The following CCDC91 variants were observed in gnomAD, a reference collection of about 807,000 sequenced individuals.
The protein encoded by CCDC91 is coiled-coil domain-containing protein 91.
A neutral mutation model predicts 63.2 loss-of-function variants in CCDC91; 48 were observed. The ratio of observed to expected loss-of-function variants is 0.76; its 90% CI spans 0.60 to 0.97. The LOEUF (loss-of-function observed/expected upper bound fraction) is 0.97, where lower values mean the gene tolerates loss of function less well. Ranked by LOEUF, CCDC91 falls within the 50% of genes least tolerant of loss-of-function variation. The pLI, the probability that CCDC91 is intolerant of heterozygous loss-of-function variation, is 0.00. For missense variants in CCDC91, 500 were observed against 494.6 expected (o/e 1.01, Z -0.10); for synonymous variants, 167 against 165.8 (o/e 1.01, Z -0.06).
At chr12:28,366,629 C>T (rs780535975) in intron 7 of CCDC91, among the ~76,000 whole-genome samples, 4 of 152,102 alleles carry the variant, frequency 2.6e-5, no homozygotes, top group African/African-American at 7.2e-5. Context: ...CTACGAGTGT[C>T]GGGATAGGCC....
chr12:28,325,851 T>C (rs1161900321), intron 6 of CCDC91, among the ~76,000 whole-genome samples: 2 of 152,066 alleles, frequency 1.3e-5, no homozygotes, highest in Non-Finnish European at 1.5e-5. Flanking sequence ...TAGGAAATAT[T>C]ATTCTATTTT....
At chr12:28,279,491 A>G (rs1948458746) in intron 3 of CCDC91, among the ~76,000 whole-genome samples, 1 of 152,066 alleles carries the variant, frequency 6.6e-6, no homozygotes, top group South Asian at 2.1e-4. Context: ...CAAATATTCC[A>G]CTGAACTAAA....
intron 6 of CCDC91, among the ~76,000 whole-genome samples, chr12:28,312,655 G>C (rs2137206265): frequency 6.6e-6 from 1 of 152,190 alleles, no homozygotes; most frequent in East Asian, 1.9e-4. Context: ...TGGTTTGGCT[G>C]TGTCCCCACT....
chr12:28,465,595 A>T (rs892549319), intron 11 of CCDC91, among the ~76,000 whole-genome samples: 2 of 152,326 alleles, frequency 1.3e-5, no homozygotes. Flanking sequence ...CTATGAGTCT[A>T]CAAGAACCAC....
intron 8 of CCDC91, among the ~76,000 whole-genome samples, chr12:28,437,118 AAAT>A (rs1469057518): frequency 6.6e-6 from 1 of 151,630 alleles, no homozygotes; most frequent in African/African-American, 2.4e-5. Flanking sequence ...TTAATTAAAA[AAAT>A]AAAATTCCAT....
intron 3 of CCDC91, among the ~76,000 whole-genome samples, chr12:28,299,152 T>A (rs1469114252): frequency 1.3e-5 from 2 of 151,640 alleles, no homozygotes; most frequent in Non-Finnish European, 3.0e-5. Flanking sequence ...AGATGTGTTG[T>A]TTCTTTTTTA....
chr12:28,446,080 A>G (rs1262633491), intron 8 of CCDC91, among the ~76,000 whole-genome samples: 1 of 152,188 alleles, frequency 6.6e-6, no homozygotes, highest in Non-Finnish European at 1.5e-5. Context: ...AAACAAGGAG[A>G]TTAAACCAAA....
chr12:28,345,483 G>A (rs2138101891), intron 6 of CCDC91, among the ~76,000 whole-genome samples: 1 of 151,994 alleles, frequency 6.6e-6, no homozygotes, highest in South Asian at 2.1e-4. Flanking sequence ...ATTAAATATG[G>A]AAACTGAGAC....
At chr12:28,253,054 T>C (rs1482657547) in intron 1 of CCDC91, among the ~76,000 whole-genome samples, 3 of 152,222 alleles carry the variant, frequency 2.0e-5, no homozygotes, top group African/African-American at 7.2e-5. Flanking sequence ...ATCTTAACTC[T>C]ATAGTCCCTT....
At chr12:28,462,573 GTC>G (rs1950358826) in intron 11 of CCDC91, among the ~76,000 whole-genome samples, 1 of 151,972 alleles carries the variant, frequency 6.6e-6, no homozygotes, top group Non-Finnish European at 1.5e-5. Flanking sequence ...GTAATATGTA[GTC>G]TCTACTGTTA....
At chr12:28,302,449 T>A (rs1051138587) in intron 3 of CCDC91, among the ~76,000 whole-genome samples, 2 of 152,108 alleles carry the variant, frequency 1.3e-5, no homozygotes, top group African/African-American at 4.8e-5. Context: ...TACCTATTAT[T>A]TCCCCATTTT....
intron 7 of CCDC91, 53 bp downstream of exon 7, chr12:28,362,568 A>T (rs1260572814): frequency 1.8e-6 from 2 of 1,115,770 alleles, no homozygotes; most frequent in East Asian, 5.0e-5. Flanking sequence ...TTTAGTAAAA[A>T]ATGTACACAT....
chr12:28,209,659 G>A (rs1244615454), intron 1 of CCDC91, among the ~76,000 whole-genome samples: 2 of 152,132 alleles, frequency 1.3e-5, no homozygotes, highest in African/African-American at 4.8e-5. Flanking sequence ...TTGATCTCCT[G>A]ACCTCAAGTG....
At chr12:28,542,713 C>T (rs1179207994) in intron 12 of CCDC91, among the ~76,000 whole-genome samples, 1 of 152,038 alleles carries the variant, frequency 6.6e-6, no homozygotes, top group Non-Finnish European at 1.5e-5. Flanking sequence ...GAGTCTCTTT[C>T]AGTGATTCTG....
In CCDC91 at chr12:28,213,363, T is replaced by C. The variant is rs189890059; in HGVS notation, c.-15+22722T>C. Among the ~76,000 whole-genome samples, 687 of 152,314 alleles carry C rather than the reference T, an allele frequency of 4.5e-3. 2 individuals carry two copies. The highest frequency in any genetic ancestry group is 7.5e-3 in the Non-Finnish European group (508 of 68,016). ...ACCCATGAAGACATGTACTACACTC[T>C]GAAATAAATGCTTAAGTTTTCTATT... On this transcript the variant is annotated intron_variant, in intron 1 of 12. Coordinates refer to ENST00000536442, the MANE Select transcript of CCDC91 (RefSeq NM_018318.5).
intron 12 of CCDC91, among the ~76,000 whole-genome samples, chr12:28,506,209 A>C (rs1341651236): frequency 6.6e-6 from 1 of 152,022 alleles, no homozygotes; most frequent in Non-Finnish European, 1.5e-5. Flanking sequence ...TATCAGAGGC[A>C]TGATAGGAAG....
intron 6 of CCDC91, among the ~76,000 whole-genome samples, chr12:28,335,423 A>G (rs1052875150): frequency 6.9e-6 from 1 of 144,540 alleles, no homozygotes; most frequent in Non-Finnish European, 1.5e-5. Context: ...AAAAATACAT[A>G]TATATATATT....
intron 11 of CCDC91, among the ~76,000 whole-genome samples, chr12:28,482,145 A>T (rs1951480690): frequency 6.6e-6 from 1 of 151,942 alleles, no homozygotes; most frequent in African/African-American, 2.4e-5. Context: ...TTCACTACAG[A>T]AGTATTAACA....
intron 3 of CCDC91, among the ~76,000 whole-genome samples, chr12:28,283,863 C>A (rs1225479235): frequency 2.0e-5 from 3 of 152,050 alleles, no homozygotes; most frequent in Non-Finnish European, 4.4e-5. Flanking sequence ...CAAAAAGTGT[C>A]AAATTTTGGA....
Sources: allele counts gnomAD v4.1 joint callset (sites outside exome capture counted in the v4.1 genomes callset), GRCh38; gene constraint gnomAD v4.1.1; transcripts MANE v1.5; gene names NCBI Gene and HGNC (gene_info 2026-07-23, HGNC 2026-07-21).